DISC1: variants seen among roughly 807,000 people sequenced by gnomAD.
DISC1 encodes DISC1 scaffold protein, also known as disrupted in schizophrenia 1 protein.
DISC1 carries 57 observed loss-of-function variants against 84.5 expected under a neutral mutation model. The ratio of observed to expected loss-of-function variants is 0.67; its 90% CI spans 0.55 to 0.84. DISC1 has a LOEUF of 0.84. Among genes scored for constraint, DISC1 ranks in the 40% least tolerant of loss-of-function variants. The pLI is 0.00. For synonymous variants in DISC1, 411 were observed against 415.2 expected, an observed-to-expected ratio of 0.99 and a Z score of 0.12; for missense variants, 1,000 against 1,057.8, an observed-to-expected ratio of 0.95 and a Z score of 0.76.
intron 1 of DISC1, among the ~76,000 whole-genome samples, chr1:231,648,390 G>C (rs888515401): frequency 6.6e-6 from 1 of 152,134 alleles, no homozygotes; most frequent in Non-Finnish European, 1.5e-5. Context: ...AACCAGCCTT[G>C]CATCCCAGGG....
chr1:231,946,562 T>C (rs1270735793), intron 9 of DISC1, among the ~76,000 whole-genome samples: 1 of 152,214 alleles, frequency 6.6e-6, no homozygotes, highest in Non-Finnish European at 1.5e-5. Context: ...AAGACAAGGA[T>C]GCCCTCTCTC....
At chr1:231,827,355 C>T (rs1046690511) in intron 9 of DISC1, among the ~76,000 whole-genome samples, 1 of 152,066 alleles carries the variant, frequency 6.6e-6, no homozygotes, top group South Asian at 2.1e-4. Flanking sequence ...CTTTATAAAC[C>T]AAATTTGATT....
chr1:231,956,960 T>C (rs1659619284), intron 9 of DISC1, among the ~76,000 whole-genome samples: 1 of 152,230 alleles, frequency 6.6e-6, no homozygotes, highest in South Asian at 2.1e-4. Flanking sequence ...AGAAGAGTTA[T>C]AGAATCCCTT....
chr1:231,910,255 A>C (rs981615490), intron 9 of DISC1, among the ~76,000 whole-genome samples: 3 of 152,000 alleles, frequency 2.0e-5, no homozygotes, highest in Non-Finnish European at 4.4e-5. Flanking sequence ...TAGTTCTTTT[A>C]ATTGTGATGT....
intron 6 of DISC1, among the ~76,000 whole-genome samples, chr1:231,791,855 C>T (rs1170974030): frequency 6.6e-6 from 1 of 152,176 alleles, no homozygotes; most frequent in Non-Finnish European, 1.5e-5. Flanking sequence ...TTGGGGACCA[C>T]AGTGTGATGG....
At chr1:231,683,696 C>T (rs1255941209) in intron 1 of DISC1, among the ~76,000 whole-genome samples, 1 of 151,634 alleles carries the variant, frequency 6.6e-6, no homozygotes, top group Non-Finnish European at 1.5e-5. Flanking sequence ...CAGGATTTAC[C>T]TTCTTAGGCG....
At chr1:231,750,602 A>G (rs755804077) in intron 4 of DISC1, 29 of 984,254 alleles carry the variant, frequency 2.9e-5, no homozygotes, top group Non-Finnish European at 3.4e-5. Flanking sequence ...TCCTGGCTGC[A>G]TGTTTGAATA....
intron 3 of DISC1, among the ~76,000 whole-genome samples, chr1:231,742,212 C>G (rs949253180): frequency 6.6e-6 from 1 of 152,158 alleles, no homozygotes; most frequent in Non-Finnish European, 1.5e-5. Flanking sequence ...GGCTTTTGCA[C>G]TCTCTGGGAG....
At chr1:231,817,573 A>G (rs963654447) in intron 8 of DISC1, among the ~76,000 whole-genome samples, 2 of 152,186 alleles carry the variant, frequency 1.3e-5, no homozygotes, top group Non-Finnish European at 2.9e-5. Context: ...GCAGTTTTTG[A>G]AAAATAGTTT....
chr1:231,824,656 G>A (rs1363480984), intron 9 of DISC1, among the ~76,000 whole-genome samples: 1 of 152,084 alleles, frequency 6.6e-6, no homozygotes, highest in Non-Finnish European at 1.5e-5. Flanking sequence ...CTTTTGGGAG[G>A]CATCGCCATA....
chr1:231,788,424 T>C (rs1193350195), intron 6 of DISC1, among the ~76,000 whole-genome samples: 2 of 152,218 alleles, frequency 1.3e-5, no homozygotes, highest in Non-Finnish European at 2.9e-5. Context: ...ATCTTCCCTC[T>C]ATGCATGTCC....
At chr1:231,636,853 G>T (rs1000188145) in intron 1 of DISC1, among the ~76,000 whole-genome samples, 2 of 152,090 alleles carry the variant, frequency 1.3e-5, no homozygotes, top group African/African-American at 4.8e-5. Flanking sequence ...TTGTTACATA[G>T]GTATACATGT....
At chr1:231,791,335 C>A (rs2078334482) in intron 6 of DISC1, among the ~76,000 whole-genome samples, 1 of 152,136 alleles carries the variant, frequency 6.6e-6, no homozygotes, top group African/African-American at 2.4e-5. Flanking sequence ...AGTTAGACTG[C>A]CTGGGTTACT....
intron 6 of DISC1, among the ~76,000 whole-genome samples, chr1:231,789,775 G>A (rs1166780933): frequency 1.3e-5 from 2 of 151,878 alleles, no homozygotes; most frequent in Non-Finnish European, 2.9e-5. Context: ...TTCTAATTAC[G>A]GCTGAAAAGC....
At chr1:231,807,705 C>A (rs1269557126) in intron 8 of DISC1, among the ~76,000 whole-genome samples, 4 of 152,190 alleles carry the variant, frequency 2.6e-5, no homozygotes, top group Non-Finnish European at 1.5e-5. Context: ...TGGAAGCCAG[C>A]AGCAGCAGCT....
At position 232,036,851 on chromosome 1, in the gene DISC1, G is replaced by C. The variant is rs112807868; in HGVS notation, c.*20G>C. 111 of 1,531,298 alleles carry C rather than the reference G, an allele frequency of 7.2e-5. No homozygotes were observed. In the East Asian group the frequency reaches 1.8e-3, roughly 24 times the overall value. The allele number at this position is 1,531,298 out of a possible 1,614,324, so 94.9% of individuals were successfully genotyped here. A position where few individuals can be genotyped will look rare whatever the true frequency, so the allele number is the denominator to read the frequency against. On this transcript the variant is annotated 3_prime_UTR_variant, in exon 13 of 13. Transcript: ENST00000439617. ...GCCTGAGGAGTGACGGGATGGGGGA[G>C]GGAGGTGGGCCACCATGTTTGGACC... is the stretch of plus-strand genomic sequence containing the variant.
At chr1:231,846,931 A>G (rs2125885337) in intron 9 of DISC1, among the ~76,000 whole-genome samples, 1 of 152,216 alleles carries the variant, frequency 6.6e-6, no homozygotes, top group East Asian at 1.9e-4. Flanking sequence ...AGAGTTATAA[A>G]GGCTAAGCCA....
At chr1:232,014,397 A>G (rs1668294423) in intron 11 of DISC1, among the ~76,000 whole-genome samples, 1 of 152,204 alleles carries the variant, frequency 6.6e-6, no homozygotes, top group African/African-American at 2.4e-5. Context: ...TTTTTGTTTA[A>G]TGTCTTTGGG....
chr1:232,019,990 C>G (rs1254041668), intron 11 of DISC1, among the ~76,000 whole-genome samples: 3 of 152,156 alleles, frequency 2.0e-5, no homozygotes, highest in Non-Finnish European at 4.4e-5. Flanking sequence ...AACACCATGT[C>G]TACAGGTGCT....
Sources: gnomAD v4.1 joint callset for allele counts (sites outside exome capture counted in the v4.1 genomes callset) on GRCh38, gnomAD v4.1.1 for gene constraint, MANE v1.5 for transcripts, NCBI Gene and HGNC (gene_info 2026-07-23, HGNC 2026-07-21) for gene names.